Variants in GDPD4 observed in about 807,000 individuals in gnomAD.
GDPD4 encodes glycerophosphodiester phosphodiesterase 6.
A neutral mutation model predicts 67.8 loss-of-function variants in GDPD4; 60 were observed. The observed-to-expected ratio is 0.88, with a 90% CI of 0.72 to 1.10. GDPD4 has a LOEUF of 1.10. Ranked by LOEUF, GDPD4 falls within the 50% of genes least tolerant of loss-of-function variation. GDPD4 has a pLI of 0.00. For missense variants in GDPD4, 623 were observed against 613.9 expected (o/e 1.01, Z -0.16); for synonymous variants, 212 against 210.9 (o/e 1.00, Z -0.04).
chr11:77,249,197 C>G (rs1958839453), intron 11 of GDPD4, among the ~76,000 whole-genome samples: 1 of 144,100 alleles, frequency 6.9e-6, no homozygotes, highest in African/African-American at 2.6e-5. Context: ...AGCCGGGAAG[C>G]AGAGGTTGCA....
chr11:77,250,472 T>C (rs191655900), intron 11 of GDPD4, among the ~76,000 whole-genome samples: 15 of 152,320 alleles, frequency 9.8e-5, no homozygotes, highest in African/African-American at 3.4e-4. Flanking sequence ...TTGTACAGTT[T>C]TGAAAGTTCC....
intron 16 of GDPD4, among the ~76,000 whole-genome samples, chr11:77,218,052 A>G (rs902045462): frequency 6.6e-6 from 1 of 151,002 alleles, no homozygotes; most frequent in Non-Finnish European, 1.5e-5. Context: ...TTTTAACCTG[A>G]GTGTAATTCG....
intron 15 of GDPD4, 150 bp from the exon 16 acceptor site, chr11:77,228,066 C>A: frequency 1.4e-6 from 1 of 705,150 alleles, no homozygotes. Context: ...ATGTCATTTT[C>A]TTCTACAGAT....
intron 16 of GDPD4, among the ~76,000 whole-genome samples, chr11:77,221,642 TTACTTCCAAC>T (rs1195497136): frequency 6.6e-6 from 1 of 152,188 alleles, no homozygotes; most frequent in Non-Finnish European, 1.5e-5. Flanking sequence ...GAGGAGTGCT[TTACTTCCAAC>T]TATGTGGTCA....
rs113625189 is a variant in GDPD4, at chr11:77,287,263, G to A, written c.-96C>T. 4.6e-5 allele frequency: 7 copies of A among 152,154 alleles called. No individual in the cohort carries two copies. The highest frequency in any genetic ancestry group is 7.4e-5 in the Non-Finnish European group (5 of 68,026). 9.4% of individuals were successfully genotyped at this position (152,154 alleles called of 1,614,324 possible). On this transcript the variant is annotated 5_prime_UTR_variant, in exon 2 of 17. Transcript: ENST00000315938. ...CAACTTTAGTTTTTTCCCATTGTCT[G>A]AATTTCCAGAGGCAACTATAGCAGC...
chr11:77,254,051 G>A (rs1384103189), intron 11 of GDPD4, among the ~76,000 whole-genome samples: 1 of 152,162 alleles, frequency 6.6e-6, no homozygotes, highest in African/African-American at 2.4e-5. Flanking sequence ...AAGGGGTGCT[G>A]TGGCTACTCA....
chr11:77,252,152 C>A (rs751461529), intron 11 of GDPD4, among the ~76,000 whole-genome samples: 4 of 151,256 alleles, frequency 2.6e-5, no homozygotes, highest in Non-Finnish European at 5.9e-5. Context: ...CAACCTCCCC[C>A]TCCCGGGTTC....
chr11:77,235,009 G>GTTTTTTGT (rs1958524952), intron 13 of GDPD4, among the ~76,000 whole-genome samples: 6 of 52,262 alleles, frequency 1.1e-4, no homozygotes, highest in African/African-American at 3.2e-4. Flanking sequence ...GTCAATATCT[G>GTTTTTTGT]TTTTTTTTTT....
intron 16 of GDPD4, among the ~76,000 whole-genome samples, chr11:77,223,889 G>A (rs1359765729): frequency 3.3e-5 from 5 of 152,182 alleles, no homozygotes; most frequent in African/African-American, 4.8e-5. Flanking sequence ...ACCTACTCAA[G>A]CCTCAGCAAT....
intron 1 of GDPD4, among the ~76,000 whole-genome samples, chr11:77,298,017 T>C (rs1434296460): frequency 2.0e-5 from 3 of 151,718 alleles, no homozygotes; most frequent in East Asian, 3.9e-4. Context: ...AGAGCATAAA[T>C]GAAGACATTT....
intron 13 of GDPD4, among the ~76,000 whole-genome samples, chr11:77,234,065 A>G (rs938369888): frequency 3.3e-5 from 5 of 151,986 alleles, no homozygotes; most frequent in Non-Finnish European, 7.4e-5. Flanking sequence ...AATTTTTTCA[A>G]CTCTCAAATG....
At chr11:77,279,675 A>C (rs1311430067) in intron 3 of GDPD4, among the ~76,000 whole-genome samples, 1 of 152,130 alleles carries the variant, frequency 6.6e-6, no homozygotes, top group Non-Finnish European at 1.5e-5. Flanking sequence ...TTAAAAATTA[A>C]CATAACACAG....
chr11:77,244,340 G>A (rs1423951842), intron 12 of GDPD4, among the ~76,000 whole-genome samples: 1 of 152,132 alleles, frequency 6.6e-6, no homozygotes, highest in Non-Finnish European at 1.5e-5. Flanking sequence ...CCCTGGGCTA[G>A]TATCTTCTAA....
chr11:77,239,383 AAAG>A (rs1201706915), intron 13 of GDPD4, among the ~76,000 whole-genome samples: 2 of 152,220 alleles, frequency 1.3e-5, no homozygotes, highest in Admixed American at 1.3e-4. Context: ...TCCAAATAAG[AAAG>A]AAGTCAGATT....
intron 16 of GDPD4, among the ~76,000 whole-genome samples, chr11:77,220,780 G>C (rs1958210475): frequency 6.6e-6 from 1 of 152,216 alleles, no homozygotes; most frequent in Non-Finnish European, 1.5e-5. Context: ...AGAAGAAATA[G>C]TACCAGCTCC....
chr11:77,270,812 A>C (rs1959211182), intron 7 of GDPD4: 1 of 241,452 alleles, frequency 4.1e-6, no homozygotes, highest in African/African-American at 2.3e-5. Context: ...GTAAAATTAA[A>C]ACAGCCTCTA....
At chr11:77,253,772 G>C (rs1958951011) in intron 11 of GDPD4, among the ~76,000 whole-genome samples, 1 of 152,100 alleles carries the variant, frequency 6.6e-6, no homozygotes, top group Non-Finnish European at 1.5e-5. Flanking sequence ...CTTTTTCCTT[G>C]AGAGGGCAGT....
chr11:77,266,724 G>A (rs1035615724), intron 10 of GDPD4, among the ~76,000 whole-genome samples: 1 of 151,984 alleles, frequency 6.6e-6, no homozygotes, highest in Non-Finnish European at 1.5e-5. Context: ...GTGTGTGCTT[G>A]TTTCTTAGTT....
At position 77,280,766 on chromosome 11, in the gene GDPD4, T is replaced by C. The variant is rs1311551669; in HGVS notation, c.54-1367A>G. 3.3e-5 allele frequency among the ~76,000 whole-genome samples: 5 copies of C among 152,218 alleles called. No homozygotes were observed. The East Asian group carries it at 7.7e-4, about 23-fold the overall frequency. ...AAAAGAAGAACTGTGATTTGGCTTT[T>C]TCTCTCTCTCCCTCTACTTCTTCCC... On this transcript the variant is annotated intron_variant, in intron 3 of 16. Transcript: ENST00000315938.
Sources: allele counts gnomAD v4.1 joint callset (sites outside exome capture counted in the v4.1 genomes callset), GRCh38; gene constraint gnomAD v4.1.1; transcripts MANE v1.5; gene names NCBI Gene and HGNC (gene_info 2026-07-23, HGNC 2026-07-21).